Variants in LRBA observed in about 807,000 individuals in gnomAD.
LRBA encodes the protein lipopolysaccharide-responsive and beige-like anchor protein.
Under a neutral mutation model 330.0 loss-of-function variants are expected in LRBA, and 176 were observed. That is an observed-to-expected ratio of 0.53 (90% CI 0.47 to 0.60). The LOEUF (loss-of-function observed/expected upper bound fraction) is 0.60, where lower values mean the gene tolerates loss of function less well. Among genes scored for constraint, LRBA ranks in the 20% least tolerant of loss-of-function variants. The pLI is 0.00. For missense variants in LRBA, 3,259 were observed against 3,444.8 expected, an observed-to-expected ratio of 0.95 and a Z score of 1.35; for synonymous variants, 1,230 against 1,193.0, an observed-to-expected ratio of 1.03 and a Z score of -0.64.
intron 40 of LRBA, among the ~76,000 whole-genome samples, chr4:150,534,386 A>T (rs532234907): frequency 1.3e-4 from 19 of 149,120 alleles, no homozygotes; most frequent in East Asian, 3.9e-4. Flanking sequence ...AATTTTTTTT[A>T]AAAAAACACT....
At chr4:150,923,870 G>T (rs1733599562) in intron 4 of LRBA, among the ~76,000 whole-genome samples, 1 of 152,098 alleles carries the variant, frequency 6.6e-6, no homozygotes, top group South Asian at 2.1e-4. Context: ...ATTACTACCT[G>T]TGTAAAAGAG....
chr4:150,833,635 G>A (rs1747552690), intron 28 of LRBA, among the ~76,000 whole-genome samples: 1 of 152,140 alleles, frequency 6.6e-6, no homozygotes, highest in Admixed American at 6.5e-5. Context: ...GCTTAAAAAT[G>A]CTAACAATTA....
At chr4:151,009,783 A>G (rs577862737) in intron 2 of LRBA, among the ~76,000 whole-genome samples, 228 of 152,030 alleles carry the variant, frequency 1.5e-3, no homozygotes, top group African/African-American at 3.0e-3. Context: ...GATCCAGGCC[A>G]TCCTGGCTAA....
At chr4:150,716,610 A>G (rs752072158) in intron 36 of LRBA, among the ~76,000 whole-genome samples, 7 of 152,196 alleles carry the variant, frequency 4.6e-5, no homozygotes, top group Admixed American at 2.0e-4. Context: ...TATAATTAGA[A>G]AAATAAACAC....
At chr4:150,725,754 G>A (rs1345905961) in intron 36 of LRBA, among the ~76,000 whole-genome samples, 1 of 152,054 alleles carries the variant, frequency 6.6e-6, no homozygotes, top group Non-Finnish European at 1.5e-5. Context: ...ATGAACCAAT[G>A]AATAATAACT....
chr4:150,688,951 A>T (rs182060673), intron 36 of LRBA, among the ~76,000 whole-genome samples: 9 of 152,318 alleles, frequency 5.9e-5, no homozygotes, highest in African/African-American at 2.2e-4. Context: ...CAGCAATCCC[A>T]TTACTGGGTA....
intron 33 of LRBA, among the ~76,000 whole-genome samples, chr4:150,802,868 C>T (rs921012584): frequency 5.9e-5 from 9 of 151,306 alleles, no homozygotes; most frequent in African/African-American, 2.2e-4. Context: ...ACAAAATATA[C>T]AAAATTTAGC....
chr4:150,955,377 G>A (rs1397071063), intron 2 of LRBA, among the ~76,000 whole-genome samples: 1 of 149,340 alleles, frequency 6.7e-6, no homozygotes, highest in Non-Finnish European at 1.5e-5. Context: ...GCAGTGTTCA[G>A]AGGGAATTTA....
intron 19 of LRBA, 23 bp downstream of exon 19, chr4:150,871,322 G>C: frequency 7.6e-7 from 1 of 1,314,516 alleles, no homozygotes; most frequent in Non-Finnish European, 1.1e-6. Flanking sequence ...ATTTAGAGGA[G>C]TAAATCCTAA....
chr4:150,336,116 T>TA (rs1734694047), intron 48 of LRBA, among the ~76,000 whole-genome samples: 1 of 152,226 alleles, frequency 6.6e-6, no homozygotes, highest in Non-Finnish European at 1.5e-5. Flanking sequence ...GTTACATAGG[T>TA]AAACTTGTGT....
At chr4:150,365,500 T>C (rs1739328434) in intron 47 of LRBA, among the ~76,000 whole-genome samples, 2 of 152,094 alleles carry the variant, frequency 1.3e-5, no homozygotes, top group South Asian at 4.1e-4. Context: ...CTTATGAAAA[T>C]GTGATTTTAG....
intron 42 of LRBA, among the ~76,000 whole-genome samples, chr4:150,486,481 G>T (rs975131258): frequency 6.6e-6 from 1 of 151,548 alleles, no homozygotes; most frequent in Non-Finnish European, 1.5e-5. Context: ...TTATAATAAT[G>T]AAAACATGGA....
chr4:150,503,993 T>C (rs1410469449), intron 40 of LRBA, among the ~76,000 whole-genome samples: 2 of 151,950 alleles, frequency 1.3e-5, no homozygotes, highest in African/African-American at 2.4e-5. Flanking sequence ...AGGGTATCAG[T>C]GATGGAAGAC....
intron 35 of LRBA, among the ~76,000 whole-genome samples, chr4:150,761,267 C>T (rs1195011172): frequency 1.3e-5 from 2 of 151,868 alleles, no homozygotes; most frequent in Non-Finnish European, 2.9e-5. Context: ...ACTTTCTTCC[C>T]TTCTCTTACC....
In LRBA at chr4:150,321,001, GT is replaced by G. The variant is rs1732432208; in HGVS notation, c.7630+189del. ...ATAAACCACCAGAAGCTAAAAAGTA[GT>G]TTATGTTTTTAACATTTGTACTATA... On this transcript the variant is annotated intron_variant, in intron 50 of 56. Transcript: ENST00000651943. The surrounding 1 kb of genome is among the most constrained non-coding windows in gnomAD (Gnocchi z 4.5). 2.6e-5 allele frequency among the ~76,000 whole-genome samples: 4 copies of G among 152,118 alleles called. No individual in the cohort carries two copies. The South Asian group carries it at 8.3e-4, about 32-fold the overall frequency.
At chr4:150,324,088 C>T (rs1219739506) in intron 49 of LRBA, among the ~76,000 whole-genome samples, 1 of 152,160 alleles carries the variant, frequency 6.6e-6, no homozygotes, top group Non-Finnish European at 1.5e-5. Flanking sequence ...AAAAGACGGC[C>T]TCCCATCCTT....
At position 150,664,716 on chromosome 4, in the gene LRBA, A is replaced by T. The variant is rs373800704; in HGVS notation, c.5921+18835T>A. 7.2e-5 allele frequency among the ~76,000 whole-genome samples: 11 copies of T among 152,316 alleles called. No individual in the cohort carries two copies. The South Asian group carries it at 2.3e-3, about 32-fold the overall frequency. ...ACTAATTAAAAGTGCTTATTTTCAA[A>T]AACCCAGAACTGTATGAGGCCAAAA... is the stretch of plus-strand genomic sequence containing the variant. On this transcript the variant is annotated intron_variant, in intron 37 of 56. Coordinates refer to ENST00000651943, the MANE Select transcript of LRBA (RefSeq NM_001364905.1).
chr4:150,790,589 A>C (rs1288448279), intron 34 of LRBA, among the ~76,000 whole-genome samples: 1 of 152,228 alleles, frequency 6.6e-6, no homozygotes, highest in Non-Finnish European at 1.5e-5. Flanking sequence ...GCATGTTTGC[A>C]TATCAGCAAT....
At chr4:150,925,173 AAAAAAG>A (rs1332139539) in intron 4 of LRBA, among the ~76,000 whole-genome samples, 16 of 150,728 alleles carry the variant, frequency 1.1e-4, no homozygotes, top group African/African-American at 3.2e-4. Flanking sequence ...TTAAAAAAAA[AAAAAAG>A]AAAAGAAAAA....
Sources: gnomAD v4.1 joint callset for allele counts (sites outside exome capture counted in the v4.1 genomes callset) on GRCh38, gnomAD v4.1.1 for gene constraint, Gnocchi (gnomAD v3.1) non-coding constraint, MANE v1.5 for transcripts, NCBI Gene and HGNC (gene_info 2026-07-23, HGNC 2026-07-21) for gene names.